The following DEFB124 variants were observed in gnomAD, a reference collection of about 807,000 sequenced individuals.
The protein encoded by DEFB124 is defensin beta 124.
For synonymous variants in DEFB124, 38 were observed against 36.5 expected, an observed-to-expected ratio of 1.04 and a Z score of -0.15; for missense variants, 78 against 83.1, an observed-to-expected ratio of 0.94 and a Z score of 0.24.
intron 1 of DEFB124, among the ~76,000 whole-genome samples, chr20:31,473,470 G>A (rs1035902841): frequency 6.6e-6 from 1 of 152,154 alleles, no homozygotes; most frequent in Non-Finnish European, 1.5e-5. Flanking sequence ...TGAACAGCAT[G>A]TATGCAGGCC....
chr20:31,470,258 C>T (rs374313115), intron 2 of DEFB124, among the ~76,000 whole-genome samples: 7 of 124,828 alleles, frequency 5.6e-5, no homozygotes, highest in South Asian at 2.7e-4. Flanking sequence ...GGGGGGCTGA[C>T]CCCCCCACCT....
rs368428276 is a variant in DEFB124 at position 31,473,019 on chromosome 20, C to T, written c.-6G>A. On this transcript the variant is annotated 5_prime_UTR_variant, in exon 2 of 3. It adds an upstream start codon to the 5' untranslated region. Coordinates refer to ENST00000317676, the MANE Select transcript of DEFB124 (RefSeq NM_001037500.2). ...AACAGAAGCAGCTGTGTCATGGCCA[C>T]GGGGCTCCTGGGGAGGCTGCTGGAG... 452 of 1,613,836 alleles carry T rather than the reference C, an allele frequency of 2.8e-4. No homozygotes were observed. Among genetic ancestry groups the T allele is most frequent in the Non-Finnish European group, 3.5e-4 (412 of 1,179,982 alleles).
intron 2 of DEFB124, among the ~76,000 whole-genome samples, chr20:31,469,527 T>A (rs1342004556): frequency 1.3e-5 from 2 of 151,490 alleles, no homozygotes; most frequent in African/African-American, 4.9e-5. Flanking sequence ...AGGACAATAG[T>A]GGAGGGAAGG....
intron 2 of DEFB124, among the ~76,000 whole-genome samples, chr20:31,470,440 C>A (rs868689301): frequency 7.1e-6 from 1 of 140,070 alleles, no homozygotes; most frequent in Non-Finnish European, 1.6e-5. Context: ...CTGAGCCCCC[C>A]ACCTCCCTCC....
chr20:31,470,698 C>T (rs1481533433), intron 2 of DEFB124, among the ~76,000 whole-genome samples: 208 of 85,464 alleles, frequency 2.4e-3, no homozygotes, highest in African/African-American at 3.5e-3. Flanking sequence ...GCTGGCTGGG[C>T]GGGGGGCTGA....
At chr20:31,466,981 A>G (rs1171545463) in intron 2 of DEFB124, among the ~76,000 whole-genome samples, 1 of 152,222 alleles carries the variant, frequency 6.6e-6, no homozygotes, top group Non-Finnish European at 1.5e-5. Context: ...AAACAAGCAT[A>G]TAAATACAAG....
chr20:31,470,905 A>C (rs1399877077), intron 2 of DEFB124, among the ~76,000 whole-genome samples: 1 of 127,218 alleles, frequency 7.9e-6, no homozygotes, highest in East Asian at 2.7e-4. Flanking sequence ...TCCCTCCCGG[A>C]CGGGGTGGCT....
Position 31,465,535 on chromosome 20 carries a change from G to A in DEFB124, c.187C>T (p.Pro63Ser), listed in dbSNP as rs1980059711. ...TCATATTCATGCTTGGGGACCGGTG[G>A]AGGTTTCAATGCATAGGAGAGACAG... ...LCCLSYALKP[P>S]PVPKHEYE The change falls in exon 3 of 3, where the codon CCA (proline) becomes TCA (serine). Residue 63 changes from proline (P) to serine (S), a missense_variant. Coordinates refer to ENST00000317676, the MANE Select transcript of DEFB124 (RefSeq NM_001037500.2). 6.2e-7 allele frequency: 1 copy of A among 1,614,076 alleles called. No individual in the cohort carries two copies. Among genetic ancestry groups the A allele is most frequent in the Non-Finnish European group, 8.5e-7 (1 of 1,180,030 alleles).
intron 1 of DEFB124, 117 bp from the exon 2 acceptor site, chr20:31,473,155 T>C (rs2122459152): frequency 3.6e-6 from 3 of 840,732 alleles, no homozygotes; most frequent in Non-Finnish European, 5.5e-6. Context: ...AGTGGGAGTA[T>C]GAGGCCATGT....
chr20:31,467,935 T>G (rs117762506), intron 2 of DEFB124, among the ~76,000 whole-genome samples: 12,577 of 152,182 alleles, frequency 0.083, 621 homozygotes, highest in Non-Finnish European at 0.11. Context: ...TTGTTTTTTG[T>G]AGAGATGGGG....
chr20:31,468,558 C>T (rs960488591), intron 2 of DEFB124, among the ~76,000 whole-genome samples: 6 of 151,894 alleles, frequency 4.0e-5, no homozygotes, highest in Non-Finnish European at 8.8e-5. Flanking sequence ...TCACTGCAAC[C>T]TCCGCCTCCC....
chr20:31,471,031 G>C (rs1980269316), intron 2 of DEFB124, among the ~76,000 whole-genome samples: 2 of 135,762 alleles, frequency 1.5e-5, no homozygotes, highest in South Asian at 2.3e-4. Flanking sequence ...CCTCCCGGAC[G>C]GGGCGGCTGG....
In DEFB124 at chr20:31,474,952, C is replaced by G. The variant is rs913398706; in HGVS notation, c.-351G>C. 6.6e-6 allele frequency among the ~76,000 whole-genome samples: 1 copy of G among 152,172 alleles called. No homozygotes were observed. Among genetic ancestry groups the G allele is most frequent in the African/African-American group, 2.4e-5 (1 of 41,446 alleles). ...AATCCGCCTCTCTTGGAAGGCGGGA[C>G]CTGAAAATTTAGCAAGTTCCCCAAG... On this transcript the variant is annotated 5_prime_UTR_variant, in exon 1 of 3. Coordinates refer to ENST00000317676, the MANE Select transcript of DEFB124 (RefSeq NM_001037500.2).
At chr20:31,472,061 A>G (rs1425453447) in intron 2 of DEFB124, among the ~76,000 whole-genome samples, 4 of 151,756 alleles carry the variant, frequency 2.6e-5, no homozygotes, top group Admixed American at 2.0e-4. Context: ...CGGCTGGGAG[A>G]TGGAGGTTGT....
chr20:31,470,181 C>T (rs748171590), intron 2 of DEFB124, among the ~76,000 whole-genome samples: 2 of 143,532 alleles, frequency 1.4e-5, no homozygotes, highest in East Asian at 4.1e-4. Context: ...ACCTCCCGGA[C>T]GGGGCGGCTG....
At chr20:31,473,120 G>A in intron 1 of DEFB124, 82 bp from the exon 2 acceptor site, 1 of 1,309,262 alleles carries the variant, frequency 7.6e-7, no homozygotes, top group Non-Finnish European at 1.1e-6. Context: ...TGCAGATGAA[G>A]GCAGTGCTGT....
chr20:31,472,808 C>G (rs894240586), intron 2 of DEFB124, 148 bp downstream of exon 2: 2 of 923,422 alleles, frequency 2.2e-6, no homozygotes, highest in African/African-American at 1.7e-5. Flanking sequence ...GCAACTTGCT[C>G]TAAGTTGCCC....
chr20:31,470,687 G>A (rs1203795797), intron 2 of DEFB124, among the ~76,000 whole-genome samples: 4 of 138,650 alleles, frequency 2.9e-5, no homozygotes, highest in African/African-American at 8.5e-5. Flanking sequence ...CGGACAGGGC[G>A]GCTGGCTGGG....
chr20:31,467,670 C>T (rs1027052687), intron 2 of DEFB124, among the ~76,000 whole-genome samples: 4 of 152,200 alleles, frequency 2.6e-5, no homozygotes, highest in Non-Finnish European at 5.9e-5. Context: ...GAGGAATGAA[C>T]TTGCCCAAGC....
Sources: allele counts gnomAD v4.1 joint callset (sites outside exome capture counted in the v4.1 genomes callset), GRCh38; gene constraint gnomAD v4.1.1; transcripts MANE v1.5; gene names NCBI Gene and HGNC (gene_info 2026-07-23, HGNC 2026-07-21).